The following DPP6 variants were observed in gnomAD, a reference collection of about 807,000 sequenced individuals.
The protein encoded by DPP6 is dipeptidyl peptidase like 6, also known as A-type potassium channel modulatory protein DPP6.
A neutral mutation model predicts 122.6 loss-of-function variants in DPP6; 69 were observed. The observed-to-expected ratio is 0.56, with a 90% CI of 0.46 to 0.69. The LOEUF is 0.69. DPP6 is among the 30% of genes least tolerant of loss of function. The pLI is 0.00. For missense variants in DPP6, 928 were observed against 1,116.9 expected (o/e 0.83, Z 2.41); for synonymous variants, 418 against 433.1 (o/e 0.97, Z 0.43).
chr7:154,008,388 T>TA (rs1798002223), intron 1 of DPP6, among the ~76,000 whole-genome samples: 2 of 152,248 alleles, frequency 1.3e-5, no homozygotes, highest in African/African-American at 4.8e-5. Context: ...CACTACAAGA[T>TA]ATTTCTTACT....
At chr7:154,233,046 T>C (rs1404047863) in intron 1 of DPP6, among the ~76,000 whole-genome samples, 1 of 152,238 alleles carries the variant, frequency 6.6e-6, no homozygotes, top group Non-Finnish European at 1.5e-5. Context: ...GAATCATGCT[T>C]AAAATTATTT....
intron 7 of DPP6, among the ~76,000 whole-genome samples, chr7:154,707,797 T>C (rs1023712039): frequency 3.9e-4 from 59 of 151,850 alleles, no homozygotes; most frequent in African/African-American, 1.4e-3. Flanking sequence ...TGGCAGAAGG[T>C]AAAGGAGAAA....
chr7:154,581,826 T>C (rs1299566068), intron 5 of DPP6, among the ~76,000 whole-genome samples: 1 of 152,176 alleles, frequency 6.6e-6, no homozygotes, highest in Non-Finnish European at 1.5e-5. Context: ...TTTCAGACTC[T>C]CTCATATCCC....
intron 6 of DPP6, among the ~76,000 whole-genome samples, chr7:154,664,696 A>G (rs1287812846): frequency 2.7e-5 from 4 of 148,272 alleles, no homozygotes; most frequent in Non-Finnish European, 6.0e-5. Context: ...AGATCACAGT[A>G]TGTTGGGAGG....
chr7:154,846,592 C>A (rs1408031109), intron 16 of DPP6, among the ~76,000 whole-genome samples: 1 of 152,194 alleles, frequency 6.6e-6, no homozygotes, highest in Non-Finnish European at 1.5e-5. Context: ...ACAGCAACTG[C>A]AGTGCTACCA....
intron 1 of DPP6, among the ~76,000 whole-genome samples, chr7:153,951,116 A>G (rs373210277): frequency 1.1e-4 from 8 of 70,294 alleles, no homozygotes; most frequent in African/African-American, 3.4e-4. Context: ...GGTCAAAGAC[A>G]GGCCAAAGTT....
At chr7:154,113,408 TATATACAC>T (rs1406004986) in intron 1 of DPP6, among the ~76,000 whole-genome samples, 7 of 146,610 alleles carry the variant, frequency 4.8e-5, no homozygotes, top group Middle Eastern at 3.5e-3. Flanking sequence ...TATATATATA[TATATACAC>T]ACACACACAC....
At chr7:154,883,735 G>A (rs1805719770) in intron 21 of DPP6, 1 of 137,176 alleles carries the variant, frequency 7.3e-6, no homozygotes. Flanking sequence ...ACACATACAT[G>A]CTCACAAACA....
chr7:154,515,297 G>A (rs1180864220), intron 3 of DPP6, among the ~76,000 whole-genome samples: 7 of 152,142 alleles, frequency 4.6e-5, no homozygotes, highest in Non-Finnish European at 1.0e-4. Context: ...CCATGTGATT[G>A]GAGAAGCAGA....
rs149498052 is a variant in DPP6, at chr7:154,696,439, T to C, written c.762+26998T>C. 2.4e-3 allele frequency among the ~76,000 whole-genome samples: 361 copies of C among 152,322 alleles called. 3 individuals are homozygous for C. Among genetic ancestry groups the C allele is most frequent in the African/African-American group, 8.1e-3 (336 of 41,574 alleles). On this transcript the variant is annotated intron_variant, in intron 7 of 25. Coordinates refer to ENST00000377770, the MANE Select transcript of DPP6 (RefSeq NM_130797.4). Reference sequence around the variant, plus strand: ...AAGTCACAAATAGAGCTTCCTTTCATGTGCAAATGTCCCCTCATTTGGATG... The same window carrying C: ...AAGTCACAAATAGAGCTTCCTTTCACGTGCAAATGTCCCCTCATTTGGATG...
intron 20 of DPP6, among the ~76,000 whole-genome samples, chr7:154,876,678 T>C (rs1804891100): frequency 6.6e-6 from 1 of 152,204 alleles, no homozygotes; most frequent in Non-Finnish European, 1.5e-5. Flanking sequence ...AAAGGAGGCT[T>C]AGCACCAAGG....
chr7:154,199,465 CTT>C (rs1260567801), intron 1 of DPP6, among the ~76,000 whole-genome samples: 3 of 152,138 alleles, frequency 2.0e-5, no homozygotes, highest in Non-Finnish European at 4.4e-5. Flanking sequence ...TTTGGGCAAA[CTT>C]AATTGGTAGC....
intron 6 of DPP6, among the ~76,000 whole-genome samples, chr7:154,641,397 T>G (rs1195633351): frequency 6.6e-6 from 1 of 152,228 alleles, no homozygotes; most frequent in Non-Finnish European, 1.5e-5. Flanking sequence ...AGCATTTCAC[T>G]AGAAGTTTTT....
At chr7:154,177,664 T>A (rs1338317471) in intron 1 of DPP6, among the ~76,000 whole-genome samples, 3 of 152,188 alleles carry the variant, frequency 2.0e-5, no homozygotes, top group Non-Finnish European at 2.9e-5. Context: ...AAAATAATCA[T>A]CTGTGATATG....
chr7:154,798,315 A>G (rs952521605), intron 12 of DPP6, among the ~76,000 whole-genome samples: 2 of 152,198 alleles, frequency 1.3e-5, no homozygotes, highest in African/African-American at 2.4e-5. Flanking sequence ...TTCCTGTATT[A>G]GCGATTGTGT....
At chr7:154,375,973 A>C (rs1813096962) in intron 1 of DPP6, among the ~76,000 whole-genome samples, 1 of 152,202 alleles carries the variant, frequency 6.6e-6, no homozygotes, top group African/African-American at 2.4e-5. Context: ...CAGCTAGGTC[A>C]GTGCCAGGAG....
intron 1 of DPP6, among the ~76,000 whole-genome samples, chr7:154,004,378 C>T (rs527933755): frequency 3.3e-5 from 5 of 152,226 alleles, no homozygotes; most frequent in African/African-American, 4.8e-5. Context: ...TGCCAAGAAC[C>T]TCGTAAACTC....
chr7:154,704,164 T>G (rs182962915), intron 7 of DPP6, among the ~76,000 whole-genome samples: 351 of 152,292 alleles, frequency 2.3e-3, no homozygotes, highest in African/African-American at 8.1e-3. Context: ...ATTCAAGACT[T>G]CAGTGGGGAA....
At chr7:154,131,487 G>A (rs1441080549) in intron 1 of DPP6, among the ~76,000 whole-genome samples, 2 of 152,266 alleles carry the variant, frequency 1.3e-5, no homozygotes, top group African/African-American at 2.4e-5. Flanking sequence ...TAGAGGCTCA[G>A]TGTGATTGGG....
Sources: gnomAD v4.1 joint callset for allele counts (sites outside exome capture counted in the v4.1 genomes callset) on GRCh38, gnomAD v4.1.1 for gene constraint, MANE v1.5 for transcripts, NCBI Gene and HGNC (gene_info 2026-07-23, HGNC 2026-07-21) for gene names.